Variants in NWD2 observed in about 807,000 individuals in gnomAD.
The protein encoded by NWD2 is NACHT and WD repeat domain containing 2.
Under a neutral mutation model 132.7 loss-of-function variants are expected in NWD2, and 37 were observed. The observed-to-expected ratio is 0.28, with a 90% CI of 0.21 to 0.37. The LOEUF is 0.37. Among genes scored for constraint, NWD2 ranks in the 10% least tolerant of loss-of-function variants. NWD2 has a pLI of 1.00. For synonymous variants in NWD2, 705 were observed against 803.0 expected (o/e 0.88, Z 2.06); for missense variants, 1,592 against 2,122.4 (o/e 0.75, Z 4.91).
rs998257286 is a variant in NWD2 at position 37,447,380 on chromosome 4, G to T, written c.*163G>T. The T allele has an allele frequency of 1.1e-5, 7 of 617,562 alleles. No individual in the cohort carries two copies. The Admixed American group carries it at 1.8e-4, about 16-fold the overall frequency. The allele number at this position is 617,562 out of a possible 1,614,324, so 38.3% of individuals were successfully genotyped here. On this transcript the variant is annotated 3_prime_UTR_variant, in exon 7 of 7. Coordinates refer to ENST00000309447, the MANE Select transcript of NWD2 (RefSeq NM_001144990.2). ...AAATGGACAAATAGGTTAGTCTTGG[G>T]TGTGGTCTTTTTGTCAAAGTGTATC...
At chr4:37,245,304 C>G (rs1717213986) in intron 1 of NWD2, 86 bp downstream of exon 1, 3 of 1,386,368 alleles carry the variant, frequency 2.2e-6, no homozygotes, top group East Asian at 5.3e-5. Flanking sequence ...CCCCACAGCC[C>G]GGTGCGCCCT....
At chr4:37,288,189 G>A (rs146688663) in intron 1 of NWD2, among the ~76,000 whole-genome samples, 1 of 152,148 alleles carries the variant, frequency 6.6e-6, no homozygotes, top group East Asian at 1.9e-4. Context: ...TTAGAGGATG[G>A]GTCAATAGGT....
At chr4:37,300,710 T>C (rs914896116) in intron 1 of NWD2, among the ~76,000 whole-genome samples, 1 of 152,032 alleles carries the variant, frequency 6.6e-6, no homozygotes, top group Non-Finnish European at 1.5e-5. Context: ...AATATCTAGT[T>C]GAATGACTAC....
intron 3 of NWD2, among the ~76,000 whole-genome samples, chr4:37,375,971 G>A (rs965026455): frequency 4.6e-5 from 7 of 151,860 alleles, no homozygotes; most frequent in African/African-American, 1.5e-4. Context: ...CTTTGAAATC[G>A]TGATTTTAAT....
Position 37,310,447 on chromosome 4 carries a change from T to G in NWD2, c.152-15489T>G, listed in dbSNP as rs913265963. On this transcript the variant is annotated intron_variant, in intron 1 of 6. Transcript: ENST00000309447. The stretch of plus-strand genomic sequence containing the variant: ...GTATTCAGGTGTAGAAATAACACAG[T>G]GAATTTTTACTGGAAACTTCTAAGA... Among the ~76,000 whole-genome samples, 6 of 152,270 alleles carry G rather than the reference T, an allele frequency of 3.9e-5. No homozygotes were observed. In the East Asian group the frequency reaches 7.7e-4, roughly 20 times the overall value.
At chr4:37,344,112 T>C (rs1000204893) in intron 2 of NWD2, among the ~76,000 whole-genome samples, 3 of 152,162 alleles carry the variant, frequency 2.0e-5, no homozygotes, top group East Asian at 3.8e-4. Flanking sequence ...AATAGTAAAT[T>C]AGATTCTAGA....
chr4:37,393,138 G>A (rs1285762961), intron 3 of NWD2, among the ~76,000 whole-genome samples: 1 of 152,044 alleles, frequency 6.6e-6, no homozygotes, highest in Non-Finnish European at 1.5e-5. Flanking sequence ...ATGAATGTTG[G>A]GCCCTTTTCT....
intron 1 of NWD2, among the ~76,000 whole-genome samples, chr4:37,252,934 G>A (rs1717408288): frequency 6.6e-6 from 1 of 152,150 alleles, no homozygotes; most frequent in South Asian, 2.1e-4. Flanking sequence ...ATTTATTAAT[G>A]TGAGAAGAAG....
intron 2 of NWD2, among the ~76,000 whole-genome samples, chr4:37,353,781 G>A (rs1461301914): frequency 6.6e-6 from 1 of 151,816 alleles, no homozygotes; most frequent in African/African-American, 2.4e-5. Context: ...TTTTGCATTG[G>A]GTTGGAACAT....
intron 2 of NWD2, among the ~76,000 whole-genome samples, chr4:37,338,318 A>G (rs558728242): frequency 1.6e-4 from 24 of 152,368 alleles, no homozygotes; most frequent in African/African-American, 5.5e-4. Context: ...ACTGGGCCCA[A>G]GAGCTCCATT....
chr4:37,385,645 CA>C (rs1720548434), intron 3 of NWD2, among the ~76,000 whole-genome samples: 1 of 151,782 alleles, frequency 6.6e-6, no homozygotes, highest in African/African-American at 2.4e-5. Flanking sequence ...AGGAGCACAA[CA>C]AAAGTTCCAC....
intron 2 of NWD2, among the ~76,000 whole-genome samples, chr4:37,332,491 A>G (rs1364027390): frequency 6.7e-6 from 1 of 149,534 alleles, no homozygotes; most frequent in Non-Finnish European, 1.5e-5. Context: ...TCCTAGCAGG[A>G]CTCATCACTT....
chr4:37,415,056 A>G (rs1337104545), intron 3 of NWD2, among the ~76,000 whole-genome samples: 1 of 152,210 alleles, frequency 6.6e-6, no homozygotes, highest in Non-Finnish European at 1.5e-5. Context: ...TAAGACATAT[A>G]TTGGGATGAA....
chr4:37,337,979 G>GT, intron 2 of NWD2, among the ~76,000 whole-genome samples: 1 of 152,142 alleles, frequency 6.6e-6, no homozygotes, highest in Non-Finnish European at 1.5e-5. Flanking sequence ...CTGCCACAGT[G>GT]TTTCTTCGAA....
chr4:37,280,782 A>G (rs1458900640), intron 1 of NWD2, among the ~76,000 whole-genome samples: 1 of 152,208 alleles, frequency 6.6e-6, no homozygotes, highest in Non-Finnish European at 1.5e-5. Flanking sequence ...CCCCAGGTCC[A>G]AAGGACCCAG....
At position 37,282,653 on chromosome 4, in the gene NWD2, G is replaced by A. The variant is rs182594187; in HGVS notation, c.151+37435G>A. Among the ~76,000 whole-genome samples the A allele has an allele frequency of 3.4e-3, 519 of 152,138 alleles. 3 individuals are homozygous for A. Among genetic ancestry groups the A allele is most frequent in the South Asian group, 0.022 (104 of 4,808 alleles). On this transcript the variant is annotated intron_variant, in intron 1 of 6. Transcript: ENST00000309447. ...CCAGCTATTATGCTAGGCATGCTCC[G>A]AGAACCTACCTCTATCTTATGTTTT...
intron 1 of NWD2, among the ~76,000 whole-genome samples, chr4:37,261,080 T>C (rs989808731): frequency 3.9e-5 from 6 of 152,192 alleles, no homozygotes; most frequent in Middle Eastern, 3.2e-3. Flanking sequence ...GGGTCAAGCT[T>C]GTAGAGTGTT....
Position 37,443,308 on chromosome 4 carries a change from C to T in NWD2, c.1320C>T (p.Asp440=), listed in dbSNP as rs1029258179. The T allele has an allele frequency of 7.1e-6, 11 of 1,550,410 alleles. No individual in the cohort carries two copies. The highest frequency in any genetic ancestry group is 8.7e-6 in the Non-Finnish European group (10 of 1,146,024). ...AGGCTTATGGCTGGCTACATGAGGA[C>T]ACAGGACCAGAATCTGACCCAGTAG... is the stretch of plus-strand genomic sequence containing the variant. ...AKKAYGWLHE[D]TGPESDPVVI... The change falls in exon 7 of 7, where the codon GAC becomes GAT. Residue 440 remains aspartate (D), a synonymous_variant. Coordinates refer to ENST00000309447, the MANE Select transcript of NWD2 (RefSeq NM_001144990.2). The surrounding 1 kb of genome is among the most constrained non-coding windows in gnomAD (Gnocchi z 4.1).
chr4:37,357,535 G>T (rs775825619), intron 3 of NWD2, among the ~76,000 whole-genome samples: 1 of 152,090 alleles, frequency 6.6e-6, no homozygotes, highest in East Asian at 1.9e-4. Flanking sequence ...GAGTGCTACC[G>T]TGTGCCAAGG....
Sources: gnomAD v4.1 joint callset for allele counts (sites outside exome capture counted in the v4.1 genomes callset) on GRCh38, gnomAD v4.1.1 for gene constraint, Gnocchi (gnomAD v3.1) non-coding constraint, MANE v1.5 for transcripts, NCBI Gene and HGNC (gene_info 2026-07-23, HGNC 2026-07-21) for gene names.